ADAM2: variants seen among roughly 807,000 people sequenced by gnomAD.
ADAM2 encodes the protein ADAM metallopeptidase domain 2.
A neutral mutation model predicts 99.3 loss-of-function variants in ADAM2; 101 were observed. The observed-to-expected ratio is 1.02, with a 90% CI of 0.87 to 1.20. The LOEUF is 1.20. ADAM2 is among the 50% of genes most tolerant of loss of function. The pLI, the probability that ADAM2 is intolerant of heterozygous loss-of-function variation, is 0.00. For synonymous variants in ADAM2, 323 were observed against 287.6 expected (o/e 1.12, Z -1.25); for missense variants, 948 against 878.7 (o/e 1.08, Z -1.00).
intron 7 of ADAM2, among the ~76,000 whole-genome samples, chr8:39,805,336 G>T (rs996156838): frequency 1.3e-5 from 2 of 152,212 alleles, no homozygotes; most frequent in Non-Finnish European, 2.9e-5. Context: ...ATGACAAGGA[G>T]TAGAATGTTT....
intron 16 of ADAM2, among the ~76,000 whole-genome samples, chr8:39,751,107 A>G (rs1488077365): frequency 6.6e-6 from 1 of 152,152 alleles, no homozygotes; most frequent in African/African-American, 2.4e-5. Context: ...TGTGTTGGCT[A>G]ATTACGGCAA....
rs544086072 is a variant in ADAM2 at position 39,788,129 on chromosome 8, T to A, written c.765A>T (p.Thr255=). 1 of 1,576,604 alleles carries A rather than the reference T, an allele frequency of 6.3e-7. No individual in the cohort carries two copies. Among genetic ancestry groups the A allele is most frequent in the East Asian group, 2.3e-5 (1 of 43,028 alleles). Residue 255 remains threonine, a synonymous_variant, in exon 9 of 21, where the codon ACA becomes ACT. Transcript: ENST00000265708. ...ELLHTFLRWK[T]SYLVLRPHDV... ...CATGAGGACGTAAAACAAGATAAGA[T>A]GTTTTCCATCTTAAAAATGTGTGTA...
intron 10 of ADAM2, among the ~76,000 whole-genome samples, chr8:39,780,703 A>T (rs1251407431): frequency 6.6e-6 from 1 of 152,214 alleles, no homozygotes; most frequent in Non-Finnish European, 1.5e-5. Flanking sequence ...ATATAATGCT[A>T]CTAAGATTTT....
chr8:39,814,702 C>T (rs1275729378), intron 6 of ADAM2, among the ~76,000 whole-genome samples: 8 of 151,790 alleles, frequency 5.3e-5, no homozygotes, highest in East Asian at 3.9e-4. Flanking sequence ...TGTGTGGGTG[C>T]GGGTGTCCAT....
At chr8:39,827,468 C>T (rs7463448) in intron 3 of ADAM2, among the ~76,000 whole-genome samples, 90,547 of 151,942 alleles carry the variant, frequency 0.6, 27,855 homozygotes, top group African/African-American at 0.75. Context: ...AGTCAAGATA[C>T]GGAATCAAGC....
At chr8:39,754,408 G>A (rs187168822) in intron 16 of ADAM2, among the ~76,000 whole-genome samples, 84 of 152,242 alleles carry the variant, frequency 5.5e-4, no homozygotes, top group Non-Finnish European at 9.6e-4. Context: ...AACTACCAAC[G>A]ATTTAAGCCA....
chr8:39,832,077 T>C (rs991981328), intron 3 of ADAM2, among the ~76,000 whole-genome samples: 4 of 152,168 alleles, frequency 2.6e-5, no homozygotes, highest in East Asian at 1.9e-4. Flanking sequence ...GAAGTACTCA[T>C]TGGCTTGGTG....
chr8:39,755,214 CATA>C (rs1802101324), intron 16 of ADAM2, among the ~76,000 whole-genome samples: 1 of 152,060 alleles, frequency 6.6e-6, no homozygotes, highest in African/African-American at 2.4e-5. Context: ...AGTGAATACA[CATA>C]ATTTCAATGA....
chr8:39,815,555 A>C (rs1030162478), intron 6 of ADAM2, among the ~76,000 whole-genome samples: 2 of 152,208 alleles, frequency 1.3e-5, no homozygotes, highest in Non-Finnish European at 2.9e-5. Flanking sequence ...GTTTCTTTGA[A>C]TATGCTTATT....
chr8:39,829,134 A>G (rs1369554981), intron 3 of ADAM2, among the ~76,000 whole-genome samples: 2 of 151,936 alleles, frequency 1.3e-5, no homozygotes, highest in Non-Finnish European at 2.9e-5. Context: ...TTCTGTTTCA[A>G]CAAAGACCTG....
At chr8:39,813,082 A>C (rs1282057895) in intron 6 of ADAM2, among the ~76,000 whole-genome samples, 3 of 152,196 alleles carry the variant, frequency 2.0e-5, no homozygotes, top group Admixed American at 6.5e-5. Flanking sequence ...AGAAAAAATC[A>C]AACAACCCCA....
intron 2 of ADAM2, among the ~76,000 whole-genome samples, chr8:39,835,391 C>T (rs1327255839): frequency 1.3e-5 from 2 of 149,082 alleles, no homozygotes; most frequent in African/African-American, 5.0e-5. Flanking sequence ...TTTTAAAAAT[C>T]TAGTAATTTT....
chr8:39,770,841 A>G (rs548375292), intron 11 of ADAM2, among the ~76,000 whole-genome samples: 1 of 152,090 alleles, frequency 6.6e-6, no homozygotes, highest in Non-Finnish European at 1.5e-5. Context: ...AAATCTGTCT[A>G]CTTTCTATAT....
chr8:39,766,816 G>A (rs370236755), intron 14 of ADAM2, 32 bp downstream of exon 14: 31 of 1,460,926 alleles, frequency 2.1e-5, no homozygotes, highest in African/African-American at 2.1e-4. Context: ...AGAAAAAAAC[G>A]CATATATGAG....
chr8:39,763,694 T>C (rs1307781363), intron 14 of ADAM2, among the ~76,000 whole-genome samples: 1 of 152,252 alleles, frequency 6.6e-6, no homozygotes, highest in African/African-American at 2.4e-5. Flanking sequence ...CAGCCTGCTA[T>C]CAGAGCGTAC....
At chr8:39,782,665 G>A (rs887327831) in intron 10 of ADAM2, among the ~76,000 whole-genome samples, 1 of 151,982 alleles carries the variant, frequency 6.6e-6, no homozygotes, top group South Asian at 2.1e-4. Flanking sequence ...ATTGGTTGAG[G>A]ATAAGCCGTC....
At chr8:39,837,334 C>G in intron 1 of ADAM2, 122 bp from the exon 2 acceptor site, 1 of 598,052 alleles carries the variant, frequency 1.7e-6, no homozygotes. Flanking sequence ...TTATTATCTT[C>G]CCATTTCTTT....
intron 16 of ADAM2, among the ~76,000 whole-genome samples, chr8:39,750,208 C>T (rs1823672476): frequency 6.6e-6 from 1 of 152,000 alleles, no homozygotes; most frequent in African/African-American, 2.4e-5. Context: ...TAAAATGATT[C>T]TACCATGGAA....
chr8:39,817,180 C>A (rs1442987661), intron 6 of ADAM2, among the ~76,000 whole-genome samples: 1 of 151,692 alleles, frequency 6.6e-6, no homozygotes, highest in African/African-American at 2.4e-5. Flanking sequence ...GAATAAGGAA[C>A]ATATAAGACA....
Sources: gnomAD v4.1 joint callset for allele counts (sites outside exome capture counted in the v4.1 genomes callset) on GRCh38, gnomAD v4.1.1 for gene constraint, MANE v1.5 for transcripts, NCBI Gene and HGNC (gene_info 2026-07-23, HGNC 2026-07-21) for gene names.